NLRC3: variants seen among roughly 807,000 people sequenced by gnomAD.
NLRC3 encodes NLR family CARD domain containing 3, also known as NLR family CARD domain-containing protein 3.
NLRC3 carries 87 observed loss-of-function variants against 91.6 expected under a neutral mutation model. The observed-to-expected ratio is 0.95, with a 90% confidence interval of 0.80 to 1.14. NLRC3 has a LOEUF of 1.14. Ranked by LOEUF, NLRC3 falls within the 50% of genes most tolerant of loss-of-function variation. NLRC3 has a pLI of 0.00. For synonymous variants in NLRC3, 694 were observed against 625.3 expected (o/e 1.11, Z -1.64); for missense variants, 1,577 against 1,418.6 (o/e 1.11, Z -1.79).
intron 2 of NLRC3, among the ~76,000 whole-genome samples, chr16:3,565,584 G>C (rs962658616): frequency 5.3e-5 from 8 of 151,502 alleles, no homozygotes; most frequent in Non-Finnish European, 8.8e-5. Context: ...CAGGAAGACA[G>C]TGAAAGAAAG....
Position 3,549,195 on chromosome 16 carries a change from TC to T in NLRC3, c.2549del (p.Gly850GlufsTer15). The part of the protein sequence containing the change: ...SLRENSISPE[G>X]AQAIAHALCA... ...AGAGGGCATGAGCGATGGCCTGGGCTCCCTCGGGACTGATGGAGTTTTCTCG... is the reference window on the plus strand; with the variant it reads ...AGAGGGCATGAGCGATGGCCTGGGCTCCTCGGGACTGATGGAGTTTTCTCG... On this transcript the variant is annotated frameshift_variant, in exon 13 of 20. Coordinates refer to ENST00000359128, the MANE Select transcript of NLRC3 (RefSeq NM_178844.4). LOFTEE classifies it high-confidence loss of function. 6.3e-7 allele frequency: 1 copy of T among 1,588,384 alleles called. No individual in the cohort carries two copies. The highest frequency in any genetic ancestry group is 8.6e-7 in the Non-Finnish European group (1 of 1,167,312).
chr16:3,539,635 G>A lies in NLRC3; in HGVS notation c.*2190C>T, dbSNP rs2151077107. Reference sequence around the variant, plus strand: ...CAGAAACAATGCAAACCAGCAGACAGAGCATCACCTTGAAAGTACTAAAAC... The same window carrying A: ...CAGAAACAATGCAAACCAGCAGACAAAGCATCACCTTGAAAGTACTAAAAC... On this transcript the variant is annotated 3_prime_UTR_variant, in exon 20 of 20. Transcript: ENST00000359128. 1 of 152,308 alleles carries A rather than the reference G, an allele frequency of 6.6e-6. No homozygotes were observed. Among genetic ancestry groups the A allele is most frequent in the Admixed American group, 6.5e-5 (1 of 15,302 alleles). The allele number at this position is 152,308 out of a possible 1,614,324, so 9.4% of individuals were successfully genotyped here.
chr16:3,573,401 T>A (rs1024930595), intron 1 of NLRC3, among the ~76,000 whole-genome samples: 1 of 152,200 alleles, frequency 6.6e-6, no homozygotes, highest in African/African-American at 2.4e-5. Context: ...CACTCCAGCC[T>A]GAGTGATAGA....
chr16:3,572,959 C>G (rs2040150693), intron 1 of NLRC3, among the ~76,000 whole-genome samples: 1 of 148,996 alleles, frequency 6.7e-6, no homozygotes, highest in Non-Finnish European at 1.5e-5. Context: ...TTGCAGTGAG[C>G]CGAGATGGTG....
Position 3,542,188 on chromosome 16 carries a change from C to CA in NLRC3, c.3107+2dup. 1 of 1,569,798 alleles carries CA rather than the reference C, an allele frequency of 6.4e-7. No homozygotes were observed. Among genetic ancestry groups the CA allele is most frequent in the Non-Finnish European group, 8.7e-7 (1 of 1,153,900 alleles). On this transcript the variant is annotated splice_region_variant and intron_variant, in intron 19 of 19. Transcript: ENST00000359128. ...GGTGAGCAGGAAGGGCAGGTGCACT[C>CA]ACTTGATATGCTGGAGCCTGTGGTT... is the stretch of plus-strand genomic sequence containing the variant.
chr16:3,573,011 CAAA>C (rs58940028), intron 1 of NLRC3, among the ~76,000 whole-genome samples: 5 of 75,254 alleles, frequency 6.6e-5, no homozygotes, highest in Admixed American at 1.5e-4. Flanking sequence ...GACTCTATCT[CAAA>C]AAAAAAAAAA....
Position 3,564,338 on chromosome 16 carries a change from T to C in NLRC3, c.599A>G (p.His200Arg). Residue 200 changes from histidine to arginine, a missense_variant, in exon 5 of 20, where the codon CAC becomes CGC. His to Arg is a conservative substitution (Grantham distance 29). Transcript: ENST00000359128. This position sits in a 1 kb window ranked among gnomAD's most constrained non-coding sequence, Gnocchi z 5.9. ...ADRLICSVFP[H>R]VGEPSLAVAV... Reference sequence around the variant, plus strand: ...CACCGCCAGGCTGGGCTCCCCGACGTGCGGGAAGACCGAGCAGATGAGTCG... The same window carrying C: ...CACCGCCAGGCTGGGCTCCCCGACGCGCGGGAAGACCGAGCAGATGAGTCG... The C allele has an allele frequency of 5.0e-6, 8 of 1,611,914 alleles. No homozygotes were observed. The highest frequency in any genetic ancestry group is 1.7e-5 in the Admixed American group (1 of 59,934).
Position 3,556,945 on chromosome 16 carries a change from C to T in NLRC3, c.2149G>A (p.Ala717Thr), listed in dbSNP as rs746033653. The part of the protein sequence containing the change: ...GPQGAKALAD[A>T]LKINRTLTSL... ...GTCAGGGTGCGGTTGATCTTCAAAG[C>T]GTCTGCCAGCGCCTTGGCCCCTTGT... Residue 717 changes from alanine (A) to threonine (T), a missense_variant, in exon 8 of 20, where the codon GCT becomes ACT. Physicochemically the swap from Ala to Thr is moderately conservative, Grantham distance 58. Coordinates refer to ENST00000359128, the MANE Select transcript of NLRC3 (RefSeq NM_178844.4). 6.8e-6 allele frequency: 11 copies of T among 1,613,670 alleles called. No homozygotes were observed. In the Admixed American group the frequency reaches 8.3e-5, roughly 12 times the overall value.
intron 1 of NLRC3, among the ~76,000 whole-genome samples, chr16:3,571,542 T>TAAAA: frequency 6.9e-6 from 1 of 144,260 alleles, no homozygotes. Flanking sequence ...AGACCCTGGC[T>TAAAA]TTAAAAAAAA....
In NLRC3 at chr16:3,539,259, G is replaced by A. The variant is rs1295182035; in HGVS notation, c.*2566C>T. 1 of 152,146 alleles carries A rather than the reference G, an allele frequency of 6.6e-6. No homozygotes were observed. Among genetic ancestry groups the A allele is most frequent in the Non-Finnish European group, 1.5e-5 (1 of 68,022 alleles). The allele number at this position is 152,146 out of a possible 1,614,324, so 9.4% of individuals were successfully genotyped here. On this transcript the variant is annotated 3_prime_UTR_variant, in exon 20 of 20. Transcript: ENST00000359128. Reference sequence around the variant, plus strand: ...GCTGTTAGACCCAGGGGACTCTCAGGTGCCAGAATTGGGGACTCCTTTAAT... The same window carrying A: ...GCTGTTAGACCCAGGGGACTCTCAGATGCCAGAATTGGGGACTCCTTTAAT...
chr16:3,542,362 A>G (rs1230203347), intron 18 of NLRC3, 88 bp from the exon 19 acceptor site: 1 of 830,418 alleles, frequency 1.2e-6, no homozygotes, highest in Non-Finnish European at 2.0e-6. Flanking sequence ...GTCTGGGGGC[A>G]GTAACCCAGG....
chr16:3,575,354 C>T (rs189977349), intron 1 of NLRC3, among the ~76,000 whole-genome samples: 1 of 152,304 alleles, frequency 6.6e-6, no homozygotes, highest in East Asian at 1.9e-4. Flanking sequence ...ACCTCTCAGC[C>T]GAGTGAGGTC....
Position 3,539,707 on chromosome 16 carries a change from C to G in NLRC3, c.*2118G>C, listed in dbSNP as rs1232864931. On this transcript the variant is annotated 3_prime_UTR_variant, in exon 20 of 20. Transcript: ENST00000359128. ...TGCCCCGCAAAAACTGTCATAAATA[C>G]TGCAAGACCCATGTTCAGATTTCCC... 1.3e-5 allele frequency: 2 copies of G among 152,212 alleles called. No individual in the cohort carries two copies. Among genetic ancestry groups the G allele is most frequent in the East Asian group, 3.8e-4 (2 of 5,196 alleles). The allele number at this position is 152,212 out of a possible 1,614,324, so 9.4% of individuals were successfully genotyped here.
chr16:3,556,452 G>T (rs1229636943), intron 8 of NLRC3, among the ~76,000 whole-genome samples: 1 of 151,330 alleles, frequency 6.6e-6, no homozygotes, highest in South Asian at 2.1e-4. Context: ...CTTGCGTAGG[G>T]CATAAGATCC....
chr16:3,544,488 G>A (rs138876638), intron 15 of NLRC3, 159 bp from the exon 16 acceptor site: 12 of 622,780 alleles, frequency 1.9e-5, no homozygotes, highest in African/African-American at 1.8e-4. Flanking sequence ...AGGCCCTGCA[G>A]CCCGCCGCCT....
chr16:3,570,167 CT>C (rs376371313), intron 1 of NLRC3, among the ~76,000 whole-genome samples: 7,777 of 147,912 alleles, frequency 0.053, 247 homozygotes, highest in Admixed American at 0.073. Flanking sequence ...GTAGTTTACA[CT>C]TTTTTTTTTT....
chr16:3,556,839 A>T, intron 8 of NLRC3, 72 bp downstream of exon 8: 1 of 997,126 alleles, frequency 1.0e-6, no homozygotes, highest in Non-Finnish European at 1.6e-6. Flanking sequence ...CCATTCTCAT[A>T]GGTGGTGCCT....
In NLRC3 at chr16:3,542,209, T is replaced by C; in HGVS notation, c.3089A>G (p.His1030Arg). 1 of 1,588,592 alleles carries C rather than the reference T, an allele frequency of 6.3e-7. No homozygotes were observed. Among genetic ancestry groups the C allele is most frequent in the Non-Finnish European group, 8.6e-7 (1 of 1,166,694 alleles). ...ICIATALSGN[H>R]RLQHINLQGN... ...CACTCACTTGATATGCTGGAGCCTG[T>C]GGTTTCCAGACAGTGCTGTGGCAAT... is the stretch of plus-strand genomic sequence containing the variant. The change falls in exon 19 of 20, where the codon CAC becomes CGC. Residue 1030 changes from histidine to arginine, a missense_variant. His to Arg is a conservative substitution (Grantham distance 29). Transcript: ENST00000359128.
chr16:3,550,539 G>T, intron 10 of NLRC3, 42 bp from the exon 11 acceptor site: 1 of 1,433,186 alleles, frequency 7.0e-7, no homozygotes, highest in Non-Finnish European at 9.9e-7. Context: ...TCTGGGAGCT[G>T]CCAGGCAGGG....
Sources: gnomAD v4.1 joint callset for allele counts (sites outside exome capture counted in the v4.1 genomes callset) on GRCh38, gnomAD v4.1.1 for gene constraint, Gnocchi (gnomAD v3.1) non-coding constraint, MANE v1.5 for transcripts, NCBI Gene and HGNC (gene_info 2026-07-23, HGNC 2026-07-21) for gene names.